Variants in EVC2 observed in about 807,000 individuals in gnomAD.
The protein encoded by EVC2 is EvC ciliary complex subunit 2.
A neutral mutation model predicts 149.3 loss-of-function variants in EVC2; 148 were observed. The ratio of observed to expected loss-of-function variants is 0.99; its 90% confidence interval spans 0.87 to 1.14. EVC2 has a LOEUF of 1.14. Among genes scored for constraint, EVC2 ranks in the 50% most tolerant of loss-of-function variants. The pLI is 0.00. For missense variants in EVC2, 1,854 were observed against 1,627.3 expected (o/e 1.14, Z -2.40); for synonymous variants, 776 against 649.9 (o/e 1.19, Z -2.95).
At chr4:5,578,061 G>A (rs994941490) in intron 17 of EVC2, among the ~76,000 whole-genome samples, 21 of 152,138 alleles carry the variant, frequency 1.4e-4, no homozygotes, top group South Asian at 2.1e-4. Context: ...TGTGTCCCAC[G>A]TTTATAATCT....
intron 6 of EVC2, among the ~76,000 whole-genome samples, chr4:5,683,614 A>C (rs1720493540): frequency 6.6e-6 from 1 of 152,078 alleles, no homozygotes; most frequent in Non-Finnish European, 1.5e-5. Context: ...GGGGTTCCTA[A>C]GGGGTAGAGT....
intron 13 of EVC2, among the ~76,000 whole-genome samples, chr4:5,623,496 C>A (rs910809299): frequency 2.0e-5 from 3 of 152,050 alleles, no homozygotes; most frequent in Non-Finnish European, 4.4e-5. Flanking sequence ...TGTACCACCA[C>A]ACCCAGATAA....
At chr4:5,533,659 C>T in the EVC2 span, among the ~76,000 whole-genome samples, 2 of 152,300 alleles carry the variant, frequency 1.3e-5, no homozygotes, top group Admixed American at 6.5e-5. Context: ...GAGCTTGTTC[C>T]CCTGCACTAC....
At chr4:5,626,287 A>T (rs977870858) in intron 12 of EVC2, among the ~76,000 whole-genome samples, 11 of 151,638 alleles carry the variant, frequency 7.3e-5, no homozygotes, top group Non-Finnish European at 1.2e-4. Flanking sequence ...GTGATGGTTA[A>T]TTTTATGGAC....
chr4:5,688,852 T>C (rs2151731257), intron 5 of EVC2, among the ~76,000 whole-genome samples: 1 of 152,338 alleles, frequency 6.6e-6, no homozygotes, highest in East Asian at 1.9e-4. Context: ...AACTCTATCT[T>C]TGTGCATGTT....
At chr4:5,539,257 T>A (rs555608894), downstream of EVC2, among the ~76,000 whole-genome samples, 12 of 152,342 alleles carry the variant, frequency 7.9e-5, no homozygotes, top group South Asian at 2.1e-3. Flanking sequence ...CTGAAACCTG[T>A]AAAACATTGC....
At position 5,584,604 on chromosome 4, in the gene EVC2, TC is replaced by T; in HGVS notation, c.3057+18del. ...AGACCCAGCTCTGTCCCCCTCTCCT[TC>T]CCAGCGCCTGCACTCACCCGGCTGT... On this transcript the variant is annotated intron_variant, in intron 17 of 21. Transcript: ENST00000344408. 1 of 1,608,904 alleles carries T rather than the reference TC, an allele frequency of 6.2e-7. No homozygotes were observed. Among genetic ancestry groups the T allele is most frequent in the Non-Finnish European group, 8.5e-7 (1 of 1,177,836 alleles).
chr4:5,684,034 G>C (rs1344680981), intron 6 of EVC2, among the ~76,000 whole-genome samples: 1 of 152,112 alleles, frequency 6.6e-6, no homozygotes, highest in Admixed American at 6.6e-5. Flanking sequence ...TTTCTGATTT[G>C]CTTTCTGATG....
Position 5,584,638 on chromosome 4 carries a change from C to T in EVC2, c.3042G>A (p.Leu1014=), listed in dbSNP as rs775309745. 2 of 1,613,502 alleles carry T rather than the reference C, an allele frequency of 1.2e-6. No individual in the cohort carries two copies. The highest frequency in any genetic ancestry group is 4.5e-5 in the East Asian group (2 of 44,864). ...MLTKSACTQI[L]ESHSRELQEL... ...CTGCACTCACCCGGCTGTGCGACTC[C>T]AGGATCTGTGTGCAGGCCGACTTGG... The change falls in exon 17 of 22, where the codon CTG becomes CTA. Residue 1014 remains leucine (L), a synonymous_variant. Transcript: ENST00000344408.
At position 5,697,744 on chromosome 4, in the gene EVC2, C is replaced by T. The variant is rs542574835; in HGVS notation, c.229-97G>A. The T allele has an allele frequency of 2.8e-4, 296 of 1,075,808 alleles. 3 individuals are homozygous for T. In the African/African-American group the frequency reaches 4.5e-3, roughly 16 times the overall value. 66.6% of individuals were successfully genotyped at this position (1,075,808 alleles called of 1,614,324 possible). On this transcript the variant is annotated intron_variant, in intron 1 of 21. Coordinates refer to ENST00000344408, the MANE Select transcript of EVC2 (RefSeq NM_147127.5). The stretch of plus-strand genomic sequence containing the variant: ...AAATGACTCACATGGAGAGGACATG[C>T]ACTTTTTTTTTTTTTTTCTGAGACA...
At chr4:5,535,975 G>A in the EVC2 span, among the ~76,000 whole-genome samples, 4 of 151,944 alleles carry the variant, frequency 2.6e-5, no homozygotes, top group East Asian at 1.9e-4. The surrounding 1 kb of genome is among the most constrained non-coding windows in gnomAD (Gnocchi z 4.7). Flanking sequence ...AAGTGACAGC[G>A]CCTCCTTTCC....
Position 5,569,853 on chromosome 4 carries a change from T to C in EVC2, c.3361-1213A>G, listed in dbSNP as rs993242257. On this transcript the variant is annotated intron_variant, in intron 19 of 21. Transcript: ENST00000344408. This position sits in a 1 kb window ranked among gnomAD's most constrained non-coding sequence, Gnocchi z 4.8. ...AAGGTGCTGTTCCAAATACCAAAGC[T>C]CCTTCCACGTCCTGACGCTCCCCAT... 6.6e-6 allele frequency among the ~76,000 whole-genome samples: 1 copy of C among 151,920 alleles called. No individual in the cohort carries two copies. Among genetic ancestry groups the C allele is most frequent in the Non-Finnish European group, 1.5e-5 (1 of 67,982 alleles).
At chr4:5,705,692 C>T (rs1231702107) in intron 1 of EVC2, among the ~76,000 whole-genome samples, 1 of 152,056 alleles carries the variant, frequency 6.6e-6, no homozygotes, top group Non-Finnish European at 1.5e-5. Context: ...TACATTAAAT[C>T]TGCTGCAACA....
At chr4:5,535,298 T>C in the EVC2 span, among the ~76,000 whole-genome samples, 1 of 152,140 alleles carries the variant, frequency 6.6e-6, no homozygotes, top group African/African-American at 2.4e-5. This position sits in a 1 kb window ranked among gnomAD's most constrained non-coding sequence, Gnocchi z 4.7. Context: ...CACCAGAAAG[T>C]GGATGTGTCA....
chr4:5,665,676 T>C (rs1719229919), intron 7 of EVC2, 27 bp from the exon 8 acceptor site: 4 of 1,612,328 alleles, frequency 2.5e-6, no homozygotes, highest in South Asian at 1.1e-5. Context: ...AGAGCAGGAT[T>C]CATGTGTGGT....
chr4:5,644,645 C>T (rs776497981), intron 9 of EVC2, among the ~76,000 whole-genome samples: 2 of 152,150 alleles, frequency 1.3e-5, no homozygotes, highest in Non-Finnish European at 2.9e-5. Flanking sequence ...TAATAAATAT[C>T]TTTTATTTAT....
chr4:5,595,656 T>C (rs1713328436), intron 16 of EVC2, among the ~76,000 whole-genome samples: 2 of 152,128 alleles, frequency 1.3e-5, no homozygotes, highest in South Asian at 4.1e-4. Context: ...AGAAACTGCA[T>C]CAACTAACGA....
rs1211968588 is a variant in EVC2 at position 5,679,712 on chromosome 4, C to T, written c.870+1548G>A. Reference sequence around the variant, plus strand: ...ATACATGTGTCATGGTGGTTTGCTGCACCTATCAACCTGTCATCTAGGTTT... The same window carrying T: ...ATACATGTGTCATGGTGGTTTGCTGTACCTATCAACCTGTCATCTAGGTTT... On this transcript the variant is annotated intron_variant, in intron 7 of 21. Transcript: ENST00000344408. This position sits in a 1 kb window ranked among gnomAD's most constrained non-coding sequence, Gnocchi z 5.1. Among the ~76,000 whole-genome samples the T allele has an allele frequency of 1.3e-5, 2 of 152,084 alleles. No homozygotes were observed. Among genetic ancestry groups the T allele is most frequent in the African/African-American group, 2.4e-5 (1 of 41,404 alleles).
At chr4:5,704,807 G>T (rs73071941) in intron 1 of EVC2, among the ~76,000 whole-genome samples, 4,042 of 152,120 alleles carry the variant, frequency 0.027, 143 homozygotes, top group African/African-American at 0.09. Flanking sequence ...CTGGTTTCAA[G>T]CCATCTTCCT....
Sources: gnomAD v4.1 joint callset for allele counts (sites outside exome capture counted in the v4.1 genomes callset) on GRCh38, gnomAD v4.1.1 for gene constraint, Gnocchi (gnomAD v3.1) non-coding constraint, MANE v1.5 for transcripts, NCBI Gene and HGNC (gene_info 2026-07-23, HGNC 2026-07-21) for gene names.